Variants in PRKG1 observed in about 807,000 individuals in gnomAD.
PRKG1 encodes the protein cGMP-dependent protein kinase 1.
In PRKG1, 35 loss-of-function variants were observed where a neutral mutation model predicts 88.1. The observed-to-expected ratio is 0.40, with a 90% CI of 0.30 to 0.53. PRKG1 has a LOEUF of 0.53. Among genes scored for constraint, PRKG1 ranks in the 20% least tolerant of loss-of-function variants. PRKG1 has a pLI of 0.59. For synonymous variants in PRKG1, 303 were observed against 292.5 expected (o/e 1.04, Z -0.37); for missense variants, 540 against 839.8 (o/e 0.64, Z 4.41).
chr10:51,440,665 C>T lies in PRKG1; in HGVS notation c.479-27058C>T, dbSNP rs1839076237. ...AGTTTGTGATCATTATAAATTCTGT[C>T]ATGGTAACTTTAGTGTAGGGTGTTG... is the stretch of plus-strand genomic sequence containing the variant. On this transcript the variant is annotated intron_variant, in intron 2 of 17. Coordinates refer to ENST00000373980, the MANE Select transcript of PRKG1 (RefSeq NM_006258.4). Among the ~76,000 whole-genome samples the T allele has an allele frequency of 2.0e-5, 3 of 151,952 alleles. No individual in the cohort carries two copies. The South Asian group carries it at 6.2e-4, about 32-fold the overall frequency.
At chr10:52,196,608 A>G (rs1839514092) in intron 9 of PRKG1, among the ~76,000 whole-genome samples, 1 of 152,178 alleles carries the variant, frequency 6.6e-6, no homozygotes, top group South Asian at 2.1e-4. Flanking sequence ...GAGGTTTGGG[A>G]ATTATCTAAG....
intron 3 of PRKG1, among the ~76,000 whole-genome samples, chr10:51,515,982 C>T (rs1841568827): frequency 6.6e-6 from 1 of 152,208 alleles, no homozygotes; most frequent in South Asian, 2.1e-4. Context: ...TCAGTGGGCC[C>T]TTTGCCTTGT....
At chr10:51,635,862 C>A (rs1381801282) in intron 3 of PRKG1, among the ~76,000 whole-genome samples, 2 of 152,064 alleles carry the variant, frequency 1.3e-5, no homozygotes, top group Non-Finnish European at 2.9e-5. Flanking sequence ...AGTCCAAGAT[C>A]ACAATAAAGA....
intron 5 of PRKG1, among the ~76,000 whole-genome samples, chr10:51,920,308 A>G (rs1051575115): frequency 6.6e-6 from 1 of 152,204 alleles, no homozygotes; most frequent in African/African-American, 2.4e-5. Context: ...TGAAGAAGAA[A>G]GAAACTTTTG....
At position 51,510,990 on chromosome 10, in the gene PRKG1, G is replaced by T. The variant is rs545863161; in HGVS notation, c.592+43154G>T. Among the ~76,000 whole-genome samples, 21 of 150,358 alleles carry T rather than the reference G, an allele frequency of 1.4e-4. 1 individual carries two copies. In the East Asian group the frequency reaches 4.1e-3, roughly 29 times the overall value. On this transcript the variant is annotated intron_variant, in intron 3 of 17. Transcript: ENST00000373980. ...GCTGGTCTTGAACTTTTGACCTTGT[G>T]ATCCGCCCACCTCAGCCTCCCAAAG...
At chr10:51,110,527 G>T (rs1288892457) in intron 1 of PRKG1, among the ~76,000 whole-genome samples, 1 of 152,016 alleles carries the variant, frequency 6.6e-6, no homozygotes, top group African/African-American at 2.4e-5. Context: ...GGTTGCCTGG[G>T]ATGGAGAGAG....
At chr10:51,515,239 T>G (rs1841543168) in intron 3 of PRKG1, among the ~76,000 whole-genome samples, 1 of 152,222 alleles carries the variant, frequency 6.6e-6, no homozygotes, top group African/African-American at 2.4e-5. Context: ...GCAGTTTTAT[T>G]TCGTTCACAA....
At chr10:51,950,782 G>A (rs954306960) in intron 5 of PRKG1, among the ~76,000 whole-genome samples, 4 of 152,264 alleles carry the variant, frequency 2.6e-5, no homozygotes, top group Non-Finnish European at 5.9e-5. Context: ...AAGGCCAGTG[G>A]GACAGTCTTT....
chr10:51,359,446 TTGTGTGTGTGTGCG>T (rs1842432772), intron 2 of PRKG1, among the ~76,000 whole-genome samples: 1 of 150,028 alleles, frequency 6.7e-6, no homozygotes, highest in Admixed American at 6.7e-5. Context: ...GGCCAGTCAT[TTGTGTGTGTGTGCG>T]TGTGTGTGTG....
At chr10:51,246,686 A>T (rs2132133664) in intron 2 of PRKG1, among the ~76,000 whole-genome samples, 1 of 152,148 alleles carries the variant, frequency 6.6e-6, no homozygotes, top group Admixed American at 6.6e-5. Context: ...ACAGGAAAAT[A>T]TTTCCAACAA....
At chr10:51,222,628 T>A (rs1475833793) in intron 2 of PRKG1, among the ~76,000 whole-genome samples, 1 of 152,176 alleles carries the variant, frequency 6.6e-6, no homozygotes, top group Non-Finnish European at 1.5e-5. Context: ...GATTTAGAGG[T>A]AACACTGAGA....
At chr10:51,288,219 G>A (rs1170030906) in intron 2 of PRKG1, among the ~76,000 whole-genome samples, 1 of 151,958 alleles carries the variant, frequency 6.6e-6, no homozygotes, top group Non-Finnish European at 1.5e-5. Flanking sequence ...GTATACATGT[G>A]CCATGCCGAT....
intron 1 of PRKG1, among the ~76,000 whole-genome samples, chr10:51,151,977 T>A (rs1399747388): frequency 6.6e-6 from 1 of 152,072 alleles, no homozygotes; most frequent in Non-Finnish European, 1.5e-5. Context: ...TTTAATTTTT[T>A]AAAAATTAAG....
At position 51,798,765 on chromosome 10, in the gene PRKG1, T is replaced by TG. The variant is rs1430385097; in HGVS notation, c.593-5820_593-5819insG. On this transcript the variant is annotated intron_variant, in intron 3 of 17. Transcript: ENST00000373980. ...TTATAATGTAGAAAGTAAAAGAGAA[T>TG]TACAAGCTAATTTTGCTCATTGCAA... Among the ~76,000 whole-genome samples the TG allele has an allele frequency of 3.9e-5, 6 of 152,218 alleles. No homozygotes were observed. In the South Asian group the frequency reaches 1.2e-3, roughly 32 times the overall value.
chr10:51,755,441 A>C (rs12264471), intron 3 of PRKG1, among the ~76,000 whole-genome samples: 61,723 of 152,080 alleles, frequency 0.41, 13,121 homozygotes, highest in Middle Eastern at 0.54. Flanking sequence ...ATCCACTTAG[A>C]AATCTAAGTC....
intron 2 of PRKG1, among the ~76,000 whole-genome samples, chr10:51,330,602 G>T (rs1375521335): frequency 6.6e-6 from 1 of 152,040 alleles, no homozygotes; most frequent in Non-Finnish European, 1.5e-5. Flanking sequence ...TCTTCTGCAT[G>T]ATCTTTTCTA....
chr10:51,702,739 C>G (rs978925981), intron 3 of PRKG1, among the ~76,000 whole-genome samples: 9 of 152,056 alleles, frequency 5.9e-5, no homozygotes, highest in African/African-American at 2.2e-4. Flanking sequence ...TCCTGTCAGC[C>G]AGGCTGGAGT....
intron 2 of PRKG1, among the ~76,000 whole-genome samples, chr10:51,204,566 C>G (rs893012714): frequency 6.6e-6 from 1 of 152,018 alleles, no homozygotes; most frequent in Non-Finnish European, 1.5e-5. Flanking sequence ...TCATAGCTAC[C>G]CTGCTGCCGG....
At chr10:51,007,042 G>A (rs957614415) in intron 1 of PRKG1, among the ~76,000 whole-genome samples, 2 of 150,608 alleles carry the variant, frequency 1.3e-5, no homozygotes, top group African/African-American at 4.9e-5. Flanking sequence ...TGGTTCAAGC[G>A]ATTCTCCTGC....
Sources: allele counts gnomAD v4.1 joint callset (sites outside exome capture counted in the v4.1 genomes callset), GRCh38; gene constraint gnomAD v4.1.1; transcripts MANE v1.5; gene names NCBI Gene and HGNC (gene_info 2026-07-23, HGNC 2026-07-21).